ANK2: variants seen among roughly 807,000 people sequenced by gnomAD.
The protein encoded by ANK2 is ankyrin-2.
In ANK2, 83 loss-of-function variants were observed where a neutral mutation model predicts 360.5. That is an observed-to-expected ratio of 0.23 (90% CI 0.19 to 0.28). The LOEUF (loss-of-function observed/expected upper bound fraction) is 0.28, where lower values mean the gene tolerates loss of function less well. Among genes scored for constraint, ANK2 ranks in the 10% least tolerant of loss-of-function variants. The probability of loss-of-function intolerance (pLI) is 1.00; values close to 1 mark genes in which losing one functional copy is unlikely to be tolerated. For synonymous variants in ANK2, 1,740 were observed against 1,759.5 expected (o/e 0.99, Z 0.28); for missense variants, 4,201 against 4,795.7 (o/e 0.88, Z 3.66).
intron 1 of ANK2, among the ~76,000 whole-genome samples, chr4:112,893,164 A>G (rs776909681): frequency 1.3e-5 from 2 of 152,274 alleles, no homozygotes; most frequent in South Asian, 2.1e-4. Flanking sequence ...TATTGACTAG[A>G]TTAATATGAT....
intron 2 of ANK2, among the ~76,000 whole-genome samples, chr4:113,184,088 G>A (rs2098468227): frequency 7.0e-6 from 1 of 143,142 alleles, no homozygotes; most frequent in African/African-American, 2.5e-5. Context: ...CACTTGAGTA[G>A]ACTTCAGGGA....
chr4:113,055,173 G>T (rs1357290887), intron 1 of ANK2, among the ~76,000 whole-genome samples: 1 of 151,988 alleles, frequency 6.6e-6, no homozygotes, highest in Non-Finnish European at 1.5e-5. Context: ...CAGGAGGATT[G>T]CTTGACCCCA....
intron 2 of ANK2, among the ~76,000 whole-genome samples, chr4:113,185,410 C>T (rs1423959873): frequency 6.6e-6 from 1 of 152,208 alleles, no homozygotes; most frequent in Non-Finnish European, 1.5e-5. Flanking sequence ...GCCATTCTAA[C>T]TGGTGTGAGA....
intron 30 of ANK2, 131 bp downstream of exon 30, chr4:113,336,188 A>C (rs1588492921): frequency 2.0e-6 from 2 of 995,864 alleles, no homozygotes; most frequent in East Asian, 5.2e-5. Flanking sequence ...TGGTAAAGCT[A>C]AAGTCAAAAT....
chr4:113,342,991 T>C (rs1255952379), intron 33 of ANK2, 26 bp from the exon 34 acceptor site: 1 of 1,613,372 alleles, frequency 6.2e-7, no homozygotes, highest in Non-Finnish European at 8.5e-7. Flanking sequence ...GCTACTTTAT[T>C]GTTATTTCTC....
the ANK2 span, among the ~76,000 whole-genome samples, chr4:112,730,636 CAAAAAA>C: frequency 3.5e-5 from 2 of 57,944 alleles, no homozygotes; most frequent in Admixed American, 2.6e-4. Context: ...GACTCCATCT[CAAAAAA>C]AAAAAAAAAA....
rs1203137650 is a variant in ANK2, at chr4:113,311,352, T to C, written c.2646T>C (p.Asp882=). The C allele has an allele frequency of 1.9e-6, 3 of 1,614,130 alleles. No individual in the cohort carries two copies. The highest frequency in any genetic ancestry group is 2.5e-6 in the Non-Finnish European group (3 of 1,180,018). The stretch of plus-strand genomic sequence containing the variant: ...CACTACCCAGCAGTCAGTTCCTGGA[T>C]GGTATGAATTACCTGCGATACAGCT... The part of the protein sequence containing the change: ...DDSLPSSQFL[D]GMNYLRYSLE... Residue 882 remains aspartate (D), a synonymous_variant, in exon 24 of 46, where the codon GAT becomes GAC. Transcript: ENST00000357077.
At chr4:112,760,822 T>C in the ANK2 span, among the ~76,000 whole-genome samples, 1 of 151,068 alleles carries the variant, frequency 6.6e-6, no homozygotes, top group South Asian at 2.1e-4. Context: ...TTTTTTTTTT[T>C]TTGAGATGGA....
upstream of ANK2, among the ~76,000 whole-genome samples, chr4:112,814,739 A>T (rs1473096714): frequency 2.0e-5 from 3 of 152,206 alleles, no homozygotes; most frequent in Non-Finnish European, 4.4e-5. Flanking sequence ...GTAGTCCAGG[A>T]GACAAGTGAT....
chr4:112,885,069 T>C (rs75264887), intron 1 of ANK2, among the ~76,000 whole-genome samples: 4,164 of 152,320 alleles, frequency 0.027, 181 homozygotes, highest in African/African-American at 0.091. Flanking sequence ...ATATATATTA[T>C]TCTTTTATTA....
intron 2 of ANK2, among the ~76,000 whole-genome samples, chr4:112,911,720 T>C (rs2087510226): frequency 6.6e-6 from 1 of 152,228 alleles, no homozygotes; most frequent in Non-Finnish European, 1.5e-5. Flanking sequence ...CTATATATTT[T>C]GTCAGGTCAT....
intron 4 of ANK2, among the ~76,000 whole-genome samples, chr4:113,217,937 CT>C (rs59341993): frequency 0.15 from 22,794 of 152,182 alleles, 1,963 homozygotes; most frequent in South Asian, 0.21. Context: ...GAGTATATCA[CT>C]TTTTGTGTAG....
chr4:112,913,339 G>A (rs954179736), intron 2 of ANK2, among the ~76,000 whole-genome samples: 3 of 152,074 alleles, frequency 2.0e-5, no homozygotes, highest in Non-Finnish European at 4.4e-5. Context: ...TGTTGAATAT[G>A]TAAAGTCAAT....
At chr4:112,710,451 T>A in the ANK2 span, among the ~76,000 whole-genome samples, 1 of 152,132 alleles carries the variant, frequency 6.6e-6, no homozygotes, top group East Asian at 1.9e-4. Flanking sequence ...ATCTCAGCAC[T>A]TTGAGAGACT....
At chr4:112,782,742 G>A in the ANK2 span, among the ~76,000 whole-genome samples, 19 of 151,780 alleles carry the variant, frequency 1.3e-4, no homozygotes, top group South Asian at 4.0e-3. Flanking sequence ...GGTGGCAGGT[G>A]CCTGTAATCC....
Position 113,341,869 on chromosome 4 carries a change from GAAC to G in ANK2, c.4081_4083del (p.Gln1361del). ...TGATGATAAAGTGGATAAGACCCTTGAACAACAAGAAAATTTTGCTGAGGTGGC... is the reference window on the plus strand; with the variant it reads ...TGATGATAAAGTGGATAAGACCCTTGAACAAGAAAATTTTGCTGAGGTGGC... On this transcript the variant is annotated inframe_deletion, in exon 33 of 46. Transcript: ENST00000357077. The G allele has an allele frequency of 2.5e-6, 4 of 1,613,924 alleles. No individual in the cohort carries two copies. The highest frequency in any genetic ancestry group is 3.4e-6 in the Non-Finnish European group (4 of 1,180,002).
At chr4:112,768,827 C>T in the ANK2 span, among the ~76,000 whole-genome samples, 1 of 152,150 alleles carries the variant, frequency 6.6e-6, no homozygotes, top group Non-Finnish European at 1.5e-5. Context: ...TTGTAATTAT[C>T]TCAAAAGGTT....
At chr4:112,944,943 T>C (rs2094457701) in intron 2 of ANK2, among the ~76,000 whole-genome samples, 1 of 152,144 alleles carries the variant, frequency 6.6e-6, no homozygotes, top group Admixed American at 6.5e-5. Context: ...AGACCAAGAG[T>C]GTGATAGGCA....
At chr4:112,737,232 C>T in the ANK2 span, among the ~76,000 whole-genome samples, 1 of 152,238 alleles carries the variant, frequency 6.6e-6, no homozygotes, top group Middle Eastern at 3.4e-3. Flanking sequence ...AGTTATTTTT[C>T]ATAACTAAAA....
Sources: gnomAD v4.1 joint callset for allele counts (sites outside exome capture counted in the v4.1 genomes callset) on GRCh38, gnomAD v4.1.1 for gene constraint, MANE v1.5 for transcripts, NCBI Gene and HGNC (gene_info 2026-07-23, HGNC 2026-07-21) for gene names.